Variants in RALYL observed in about 807,000 individuals in gnomAD.
RALYL encodes RNA-binding Raly-like protein.
A neutral mutation model predicts 35.1 loss-of-function variants in RALYL; 29 were observed. The ratio of observed to expected loss-of-function variants is 0.83; its 90% CI spans 0.61 to 1.13. The LOEUF is 1.13. RALYL is among the 50% of genes most tolerant of loss of function. The probability of loss-of-function intolerance (pLI) is 0.00; values close to 1 mark genes in which losing one functional copy is unlikely to be tolerated. For missense variants in RALYL, 359 were observed against 360.4 expected, an observed-to-expected ratio of 1.00 and a Z score of 0.03; for synonymous variants, 120 against 127.6, an observed-to-expected ratio of 0.94 and a Z score of 0.40.
At chr8:84,268,000 C>T (rs530845108) in intron 1 of RALYL, among the ~76,000 whole-genome samples, 3 of 152,122 alleles carry the variant, frequency 2.0e-5, no homozygotes, top group Non-Finnish European at 2.9e-5. Context: ...AGTGTTAAAA[C>T]ATTAAACTTG....
At chr8:84,234,337 T>C (rs1026322697) in intron 1 of RALYL, among the ~76,000 whole-genome samples, 1 of 151,888 alleles carries the variant, frequency 6.6e-6, no homozygotes, top group Non-Finnish European at 1.5e-5. Context: ...CCTTTATATA[T>C]GTATTTTCTT....
intron 8 of RALYL, among the ~76,000 whole-genome samples, chr8:84,911,119 G>T (rs1847444087): frequency 6.6e-6 from 1 of 151,930 alleles, no homozygotes; most frequent in East Asian, 1.9e-4. Flanking sequence ...GGAAATCTGA[G>T]GCTTAATTTC....
intron 1 of RALYL, among the ~76,000 whole-genome samples, chr8:84,314,494 G>A (rs999496489): frequency 1.2e-4 from 18 of 151,778 alleles, no homozygotes; most frequent in Non-Finnish European, 2.1e-4. Context: ...ATATATAAAT[G>A]TCATACCAAA....
rs757071987 is a variant in RALYL, at chr8:84,758,374, A to G, written c.257-16205A>G. 1.3e-5 allele frequency among the ~76,000 whole-genome samples: 2 copies of G among 152,348 alleles called. 1 individual carries two copies. Among genetic ancestry groups the G allele is most frequent in the South Asian group, 4.1e-4 (2 of 4,828 alleles). On this transcript the variant is annotated intron_variant, in intron 2 of 8. Coordinates refer to ENST00000521268, the MANE Select transcript of RALYL (RefSeq NM_173848.7). ...AATTGCATGAGTTATCTATTGCTGC[A>G]TAACAAGTTATCCCAAAATATCATA...
chr8:84,650,874 A>G (rs1253648942), intron 2 of RALYL, among the ~76,000 whole-genome samples: 1 of 152,142 alleles, frequency 6.6e-6, no homozygotes, highest in African/African-American at 2.4e-5. Context: ...CATATACACC[A>G]TGGAATACTA....
intron 2 of RALYL, among the ~76,000 whole-genome samples, chr8:84,561,504 GT>G (rs141155068): frequency 0.066 from 10,089 of 151,946 alleles, 439 homozygotes; most frequent in East Asian, 0.14. Flanking sequence ...TGCATACTAT[GT>G]TTTTTCCTAT....
chr8:84,282,747 CGTGTGTGTGTGTGTGTGTGTGT>C (rs5892909), intron 1 of RALYL, among the ~76,000 whole-genome samples: 14 of 148,686 alleles, frequency 9.4e-5, no homozygotes, highest in Admixed American at 8.8e-4. Context: ...TATGTGTATG[CGTGTGTGTGTGTGTGTGTGTGT>C]GTGTGTGTGT....
At chr8:84,714,179 A>C (rs1413606059) in intron 2 of RALYL, among the ~76,000 whole-genome samples, 1 of 151,844 alleles carries the variant, frequency 6.6e-6, no homozygotes, top group African/African-American at 2.4e-5. Context: ...TCATCTCACT[A>C]ATATTTGGAA....
At chr8:84,463,470 G>C (rs2051070916) in intron 1 of RALYL, among the ~76,000 whole-genome samples, 1 of 151,934 alleles carries the variant, frequency 6.6e-6, no homozygotes. Context: ...GTAGTAGTGG[G>C]GGACTAATTT....
chr8:84,508,692 C>G (rs1441434137), intron 1 of RALYL, among the ~76,000 whole-genome samples: 2 of 151,692 alleles, frequency 1.3e-5, no homozygotes, highest in Non-Finnish European at 2.9e-5. Flanking sequence ...TTTTTCCAAG[C>G]GTTTATGATT....
At chr8:84,240,339 A>G (rs1827584410) in intron 1 of RALYL, among the ~76,000 whole-genome samples, 1 of 152,208 alleles carries the variant, frequency 6.6e-6, no homozygotes, top group Admixed American at 6.5e-5. Context: ...ATTAATGTCA[A>G]TTGAGGTATT....
chr8:84,806,293 C>T (rs765753608), intron 4 of RALYL, among the ~76,000 whole-genome samples: 1 of 152,138 alleles, frequency 6.6e-6, no homozygotes, highest in Non-Finnish European at 1.5e-5. Flanking sequence ...CATTGATCAT[C>T]AGCTCCTATT....
At chr8:84,610,856 C>CT (rs1318654331) in intron 2 of RALYL, among the ~76,000 whole-genome samples, 1 of 152,120 alleles carries the variant, frequency 6.6e-6, no homozygotes, top group Non-Finnish European at 1.5e-5. Context: ...ACTTCGACGT[C>CT]TCTCCGTCAA....
chr8:84,275,201 G>A lies in RALYL; in HGVS notation c.-24+90777G>A, dbSNP rs16912635. Reference sequence around the variant, plus strand: ...CTCAGTTCTCTGTGCTTGCATTAGAGCCATTGTCATCTCTAAACCTCTAAT... The same window carrying A: ...CTCAGTTCTCTGTGCTTGCATTAGAACCATTGTCATCTCTAAACCTCTAAT... On this transcript the variant is annotated intron_variant, in intron 1 of 8. Coordinates refer to ENST00000521268, the MANE Select transcript of RALYL (RefSeq NM_173848.7). Among the ~76,000 whole-genome samples the A allele has an allele frequency of 7.8e-3, 1,182 of 152,146 alleles. 20 individuals are homozygous for A. The highest frequency in any genetic ancestry group is 0.027 in the African/African-American group (1,136 of 41,526).
At chr8:84,205,800 A>G (rs956564308) in intron 1 of RALYL, among the ~76,000 whole-genome samples, 4 of 152,198 alleles carry the variant, frequency 2.6e-5, no homozygotes, top group African/African-American at 9.6e-5. Context: ...TAGGGCTTCC[A>G]TAACAAAGTA....
In RALYL at chr8:84,915,104, T is replaced by C. The variant is rs112833396; in HGVS notation, c.859-5790T>C. Among the ~76,000 whole-genome samples, 118 of 152,098 alleles carry C rather than the reference T, an allele frequency of 7.8e-4. 1 individual carries two copies. Among genetic ancestry groups the C allele is most frequent in the African/African-American group, 2.8e-3 (115 of 41,526 alleles). ...TTATAATAGAAACCAAATGAAAATATACATATAAACTGTTTTTATAAACTT... is the reference window on the plus strand; with the variant it reads ...TTATAATAGAAACCAAATGAAAATACACATATAAACTGTTTTTATAAACTT... On this transcript the variant is annotated intron_variant, in intron 8 of 8. Coordinates refer to ENST00000521268, the MANE Select transcript of RALYL (RefSeq NM_173848.7).
At chr8:84,494,164 CT>C (rs1399427047) in intron 1 of RALYL, among the ~76,000 whole-genome samples, 1 of 152,048 alleles carries the variant, frequency 6.6e-6, no homozygotes, top group Non-Finnish European at 1.5e-5. Context: ...ATAGGGAATC[CT>C]TTCCCCATTG....
chr8:84,459,821 C>A (rs1057104560), intron 1 of RALYL, among the ~76,000 whole-genome samples: 1 of 151,716 alleles, frequency 6.6e-6, no homozygotes, highest in African/African-American at 2.4e-5. Flanking sequence ...ATCTGCGAAG[C>A]TATAAGGAAT....
chr8:84,455,230 AC>A (rs950347756), intron 1 of RALYL, among the ~76,000 whole-genome samples: 1 of 151,944 alleles, frequency 6.6e-6, no homozygotes, highest in Non-Finnish European at 1.5e-5. Context: ...CTTCATGTTA[AC>A]CCTTTTTTAA....
Sources: allele counts gnomAD v4.1 joint callset (sites outside exome capture counted in the v4.1 genomes callset), GRCh38; gene constraint gnomAD v4.1.1; transcripts MANE v1.5; gene names NCBI Gene and HGNC (gene_info 2026-07-23, HGNC 2026-07-21).